The following DLG2 variants were observed in gnomAD, a reference collection of about 807,000 sequenced individuals.
DLG2 encodes disks large homolog 2.
In DLG2, 45 loss-of-function variants were observed where a neutral mutation model predicts 132.5. That is an observed-to-expected ratio of 0.34 (90% CI 0.27 to 0.44). The LOEUF (loss-of-function observed/expected upper bound fraction) is 0.44. Ranked by LOEUF, DLG2 falls within the 20% of genes least tolerant of loss-of-function variation. The probability of loss-of-function intolerance (pLI) is 1.00; values close to 1 mark genes in which losing one functional copy is unlikely to be tolerated. For synonymous variants in DLG2, 424 were observed against 419.6 expected, an observed-to-expected ratio of 1.01 and a Z score of -0.13; for missense variants, 1,045 against 1,196.9, an observed-to-expected ratio of 0.87 and a Z score of 1.87.
chr11:84,336,369 A>C (rs1296606354), intron 7 of DLG2, among the ~76,000 whole-genome samples: 1 of 152,094 alleles, frequency 6.6e-6, no homozygotes, highest in African/African-American at 2.4e-5. Context: ...TTTGGACTTG[A>C]TTTAATTCTG....
At chr11:83,588,633 G>A (rs2097134371) in intron 19 of DLG2, among the ~76,000 whole-genome samples, 1 of 151,558 alleles carries the variant, frequency 6.6e-6, no homozygotes. Context: ...GAACAAAGCT[G>A]GATGGAGAAT....
intron 21 of DLG2, among the ~76,000 whole-genome samples, chr11:83,504,466 T>G (rs945322578): frequency 2.6e-5 from 4 of 152,236 alleles, no homozygotes; most frequent in Non-Finnish European, 5.9e-5. Context: ...GATTTCATCT[T>G]GACAGTCTGG....
At chr11:85,324,309 T>C (rs2081287977) in intron 3 of DLG2, among the ~76,000 whole-genome samples, 1 of 152,190 alleles carries the variant, frequency 6.6e-6, no homozygotes, top group African/African-American at 2.4e-5. Context: ...TCACACCTTC[T>C]ATCTAGCTTT....
chr11:85,501,012 C>A (rs888979279), intron 3 of DLG2, among the ~76,000 whole-genome samples: 8 of 152,208 alleles, frequency 5.3e-5, no homozygotes, highest in Admixed American at 4.6e-4. Flanking sequence ...TACCTGACTT[C>A]AACCTTTACT....
intron 8 of DLG2, among the ~76,000 whole-genome samples, chr11:84,180,163 C>T (rs973312892): frequency 5.3e-5 from 8 of 151,614 alleles, no homozygotes; most frequent in Non-Finnish European, 1.2e-4. Context: ...CAAGGACAGA[C>T]GAATAATGTA....
intron 3 of DLG2, among the ~76,000 whole-genome samples, chr11:85,477,660 C>A (rs1376101494): frequency 6.6e-6 from 1 of 152,138 alleles, no homozygotes; most frequent in Non-Finnish European, 1.5e-5. Flanking sequence ...CTAAAACATA[C>A]CATTTTCACA....
intron 6 of DLG2, among the ~76,000 whole-genome samples, chr11:84,705,284 A>C (rs558802216): frequency 2.6e-5 from 4 of 151,838 alleles, no homozygotes; most frequent in Non-Finnish European, 4.4e-5. Flanking sequence ...CCCCTGGACT[A>C]TCTCATGCCT....
At chr11:85,028,191 G>T (rs2060698723) in intron 6 of DLG2, among the ~76,000 whole-genome samples, 1 of 152,136 alleles carries the variant, frequency 6.6e-6, no homozygotes, top group South Asian at 2.1e-4. Flanking sequence ...CAACCGAATT[G>T]GGTAGTTCTT....
At chr11:85,597,860 T>C (rs1314054931) in intron 3 of DLG2, among the ~76,000 whole-genome samples, 1 of 151,658 alleles carries the variant, frequency 6.6e-6, no homozygotes, top group Non-Finnish European at 1.5e-5. Context: ...AAATATATTG[T>C]ATAATTGAGT....
chr11:85,567,977 A>G (rs564408519), intron 3 of DLG2, among the ~76,000 whole-genome samples: 3 of 150,514 alleles, frequency 2.0e-5, no homozygotes, highest in African/African-American at 7.3e-5. Context: ...ATAAATCTCA[A>G]TCCCTCATAG....
intron 18 of DLG2, among the ~76,000 whole-genome samples, chr11:83,657,456 T>C (rs182333492): frequency 9.2e-5 from 14 of 152,232 alleles, no homozygotes; most frequent in Non-Finnish European, 1.6e-4. Flanking sequence ...TTTACTTACT[T>C]GGTAAATGTT....
intron 6 of DLG2, among the ~76,000 whole-genome samples, chr11:84,883,351 C>CTAA (rs1258551140): frequency 1.3e-5 from 2 of 151,902 alleles, no homozygotes; most frequent in Non-Finnish European, 2.9e-5. Flanking sequence ...AGACAAATAC[C>CTAA]TAATGTATGC....
chr11:83,874,496 A>G lies in DLG2; in HGVS notation c.1497-8T>C, dbSNP rs1415310123. On this transcript the variant is annotated splice_polypyrimidine_tract_variant and splice_region_variant and intron_variant, in intron 15 of 27. Transcript: ENST00000376104. Reference sequence around the variant, plus strand: ...GTGCTATGTTGGGAATGACTGCAAGAAAAGACAGAAGAAACACACATCATT... The same window carrying G: ...GTGCTATGTTGGGAATGACTGCAAGGAAAGACAGAAGAAACACACATCATT... 2 of 1,590,596 alleles carry G rather than the reference A, an allele frequency of 1.3e-6. No individual in the cohort carries two copies. The highest frequency in any genetic ancestry group is 1.2e-5 in the South Asian group (1 of 86,218).
chr11:85,496,956 C>T (rs2093681391), intron 3 of DLG2, among the ~76,000 whole-genome samples: 1 of 152,120 alleles, frequency 6.6e-6, no homozygotes, highest in African/African-American at 2.4e-5. Flanking sequence ...CTAGATAAAA[C>T]CACAAAGACG....
At chr11:84,059,544 T>C (rs763256871) in intron 10 of DLG2, 60 bp from the exon 11 acceptor site, 11 of 1,283,568 alleles carry the variant, frequency 8.6e-6, no homozygotes, top group African/African-American at 1.6e-5. Flanking sequence ...TTAAAGAATA[T>C]TATTATGTTT....
chr11:84,378,103 G>T (rs565505326), intron 7 of DLG2, among the ~76,000 whole-genome samples: 7 of 152,240 alleles, frequency 4.6e-5, no homozygotes, highest in Middle Eastern at 3.4e-3. Flanking sequence ...TATTGAAGCC[G>T]TAACACTGAC....
chr11:83,520,463 A>G (rs1195607223), intron 21 of DLG2, among the ~76,000 whole-genome samples: 2 of 152,226 alleles, frequency 1.3e-5, no homozygotes, highest in Admixed American at 6.5e-5. Flanking sequence ...GGGAAAAATC[A>G]TAATCCTTAG....
intron 21 of DLG2, among the ~76,000 whole-genome samples, chr11:83,496,821 C>T (rs1259763468): frequency 6.6e-6 from 1 of 152,114 alleles, no homozygotes; most frequent in East Asian, 1.9e-4. Context: ...ACCATGACAC[C>T]TCCCAAAACT....
intron 7 of DLG2, among the ~76,000 whole-genome samples, chr11:84,486,856 GCTC>G (rs2099152378): frequency 6.6e-6 from 1 of 152,016 alleles, no homozygotes; most frequent in South Asian, 2.1e-4. Context: ...CAAGACCCTG[GCTC>G]TGAGTATGTT....
Sources: gnomAD v4.1 joint callset for allele counts (sites outside exome capture counted in the v4.1 genomes callset) on GRCh38, gnomAD v4.1.1 for gene constraint, MANE v1.5 for transcripts, NCBI Gene and HGNC (gene_info 2026-07-23, HGNC 2026-07-21) for gene names.